Variants in CSGALNACT1 observed in about 807,000 individuals in gnomAD.
The protein encoded by CSGALNACT1 is beta4GalNAcT-1.
In CSGALNACT1, 52 loss-of-function variants were observed where a neutral mutation model predicts 51.0. The ratio of observed to expected loss-of-function variants is 1.02; its 90% CI spans 0.82 to 1.29. The LOEUF is 1.29. CSGALNACT1 is among the 50% of genes most tolerant of loss of function. CSGALNACT1 has a pLI of 0.00. For synonymous variants in CSGALNACT1, 341 were observed against 254.4 expected (o/e 1.34, Z -3.24); for missense variants, 935 against 679.2 (o/e 1.38, Z -4.19).
intron 4 of CSGALNACT1, among the ~76,000 whole-genome samples, chr8:19,501,405 G>C (rs1484190502): frequency 2.5e-4 from 38 of 152,238 alleles, no homozygotes; most frequent in Non-Finnish European, 2.9e-5. Context: ...TATCACGTTG[G>C]CAACATCTGA....
intron 1 of CSGALNACT1, among the ~76,000 whole-genome samples, chr8:19,664,063 C>A (rs1031861122): frequency 3.3e-5 from 5 of 152,350 alleles, no homozygotes; most frequent in South Asian, 2.1e-4. Context: ...ACCCTCCACA[C>A]CCTGCCAGGT....
At chr8:19,420,200 G>A in intron 7 of CSGALNACT1, 140 bp downstream of exon 6, 1 of 776,656 alleles carries the variant, frequency 1.3e-6, no homozygotes, top group Non-Finnish European at 2.2e-6. Flanking sequence ...TAATACAGAT[G>A]GTTTTCCTTT....
rs528457631 is a variant in CSGALNACT1 at position 19,744,145 on chromosome 8, A to G, written c.-297+13705T>C. Among the ~76,000 whole-genome samples, 5 of 152,330 alleles carry G rather than the reference A, an allele frequency of 3.3e-5. No homozygotes were observed. In the South Asian group the frequency reaches 1.0e-3, roughly 32 times the overall value. On this transcript the variant is annotated intron_variant, in intron 1 of 1. Coordinates refer to the CSGALNACT1 transcript ENST00000517494. ...TCAATGTGCACAAATCAGGCTCGAT[A>G]AGGAGTATTGCTTATTAAAAAGAAA...
At chr8:19,647,081 C>T (rs1223624021) in intron 1 of CSGALNACT1, among the ~76,000 whole-genome samples, 1 of 152,064 alleles carries the variant, frequency 6.6e-6, no homozygotes, top group Admixed American at 6.6e-5. Flanking sequence ...CGCTTAAGTG[C>T]AGCATCACAG....
chr8:19,456,129 T>G (rs2064036109), intron 5 of CSGALNACT1, among the ~76,000 whole-genome samples: 1 of 152,236 alleles, frequency 6.6e-6, no homozygotes, highest in Non-Finnish European at 1.5e-5. Flanking sequence ...CTCATTTGAC[T>G]ATTCTCAATG....
chr8:19,409,912 T>C (rs897702077), intron 8 of CSGALNACT1, among the ~76,000 whole-genome samples: 7 of 152,208 alleles, frequency 4.6e-5, no homozygotes, highest in African/African-American at 1.4e-4. Context: ...CACTCATCCC[T>C]TAGGTGTCTT....
intron 3 of CSGALNACT1, among the ~76,000 whole-genome samples, chr8:19,561,796 G>C (rs1274191780): frequency 6.6e-6 from 1 of 152,224 alleles, no homozygotes; most frequent in Non-Finnish European, 1.5e-5. Context: ...AGTGAGGAAG[G>C]CCAGTGGAAG....
At chr8:19,408,239 G>C (rs945448816) in intron 9 of CSGALNACT1, among the ~76,000 whole-genome samples, 1 of 152,110 alleles carries the variant, frequency 6.6e-6, no homozygotes, top group Admixed American at 6.5e-5. Flanking sequence ...TGCTGGTGGA[G>C]ATCATAGGGG....
intron 1 of CSGALNACT1, among the ~76,000 whole-genome samples, chr8:19,610,537 G>A (rs1490123811): frequency 6.6e-6 from 1 of 152,056 alleles, no homozygotes; most frequent in Non-Finnish European, 1.5e-5. Context: ...GCACATCGGT[G>A]GAGGAACACA....
chr8:19,476,257 G>C (rs2069599373), intron 4 of CSGALNACT1, among the ~76,000 whole-genome samples: 1 of 152,020 alleles, frequency 6.6e-6, no homozygotes, highest in Non-Finnish European at 1.5e-5. Flanking sequence ...TTGGTTTTTT[G>C]AGATGGAGAT....
chr8:19,660,663 C>T (rs990841716), intron 1 of CSGALNACT1, among the ~76,000 whole-genome samples: 43 of 152,252 alleles, frequency 2.8e-4, no homozygotes, highest in Admixed American at 2.5e-3. Context: ...AAACACTCCC[C>T]TCTTACTCAC....
At chr8:19,748,783 G>T (rs769207329) in intron 1 of CSGALNACT1, among the ~76,000 whole-genome samples, 24 of 152,068 alleles carry the variant, frequency 1.6e-4, no homozygotes, top group Non-Finnish European at 7.4e-5. Flanking sequence ...TGGCCAACAT[G>T]GTGAATCCTC....
At chr8:19,574,468 G>A (rs768948873) in intron 3 of CSGALNACT1, among the ~76,000 whole-genome samples, 38 of 152,164 alleles carry the variant, frequency 2.5e-4, no homozygotes, top group Admixed American at 7.9e-4. Context: ...TTCACAAGAG[G>A]CTCACCTATC....
At chr8:19,592,395 G>C (rs190684771) in intron 2 of CSGALNACT1, among the ~76,000 whole-genome samples, 82 of 152,242 alleles carry the variant, frequency 5.4e-4, no homozygotes, top group Non-Finnish European at 8.1e-4. Flanking sequence ...AGATAAAATA[G>C]TATATATATT....
At chr8:19,502,964 TG>T (rs1369191694) in intron 4 of CSGALNACT1, among the ~76,000 whole-genome samples, 1 of 103,146 alleles carries the variant, frequency 9.7e-6, no homozygotes, top group Admixed American at 1.2e-4. Flanking sequence ...CACTTTGTTC[TG>T]AAACATCACT....
chr8:19,547,686 A>T (rs2086803444), intron 3 of CSGALNACT1, among the ~76,000 whole-genome samples: 1 of 152,242 alleles, frequency 6.6e-6, no homozygotes, highest in South Asian at 2.1e-4. Flanking sequence ...TAGTGTGAGA[A>T]CAGACTAATA....
intron 1 of CSGALNACT1, among the ~76,000 whole-genome samples, chr8:19,708,897 T>C (rs1312856327): frequency 6.6e-6 from 1 of 152,310 alleles, no homozygotes; most frequent in East Asian, 1.9e-4. Flanking sequence ...CAAATTCTAA[T>C]TCCATCATGT....
chr8:19,720,815 G>T (rs1022168991), intron 1 of CSGALNACT1, among the ~76,000 whole-genome samples: 1 of 152,198 alleles, frequency 6.6e-6, no homozygotes, highest in Non-Finnish European at 1.5e-5. Context: ...CCCAGAGGAG[G>T]GTTTTGGTTG....
intron 3 of CSGALNACT1, among the ~76,000 whole-genome samples, chr8:19,515,782 G>GCTTTCCT (rs1462099289): frequency 6.6e-6 from 1 of 152,092 alleles, no homozygotes; most frequent in Non-Finnish European, 1.5e-5. Flanking sequence ...ATGGAGAGGG[G>GCTTTCCT]CTTCCTGTCT....
Sources: gnomAD v4.1 joint callset for allele counts (sites outside exome capture counted in the v4.1 genomes callset) on GRCh38, gnomAD v4.1.1 for gene constraint, MANE v1.5 for transcripts, NCBI Gene and HGNC (gene_info 2026-07-23, HGNC 2026-07-21) for gene names.